Variants in NAALADL2 observed in about 807,000 individuals in gnomAD.
NAALADL2 encodes the protein N-acetylated alpha-linked acidic dipeptidase like 2, also known as inactive N-acetylated-alpha-linked acidic dipeptidase-like protein 2.
NAALADL2 carries 76 observed loss-of-function variants against 87.2 expected under a neutral mutation model. That is an observed-to-expected ratio of 0.87 (90% CI 0.72 to 1.05). The LOEUF is 1.05. Among genes scored for constraint, NAALADL2 ranks in the 50% least tolerant of loss-of-function variants. The probability of loss-of-function intolerance (pLI) is 0.00; values close to 1 mark genes in which losing one functional copy is unlikely to be tolerated. For missense variants in NAALADL2, 1,089 were observed against 945.8 expected, an observed-to-expected ratio of 1.15 and a Z score of -1.99; for synonymous variants, 354 against 331.0, an observed-to-expected ratio of 1.07 and a Z score of -0.75.
chr3:174,940,352 G>C (rs1279609698), intron 1 of NAALADL2, among the ~76,000 whole-genome samples: 2 of 152,106 alleles, frequency 1.3e-5, no homozygotes, highest in Non-Finnish European at 2.9e-5. Flanking sequence ...GCATCCCAGG[G>C]GTGAAGCCCA....
chr3:175,480,588 A>G (rs1051099752), intron 9 of NAALADL2, among the ~76,000 whole-genome samples: 4 of 151,910 alleles, frequency 2.6e-5, no homozygotes, highest in Non-Finnish European at 5.9e-5. Context: ...GAAATTTCAG[A>G]ATCTAAATGA....
rs144466430 is a variant in NAALADL2, at chr3:175,023,715, C to T, written c.44-73075C>T. ...CAATGAAATGCTTCATACTAGAATG[C>T]AAAATACTGAATGTGATTCAACAAG... On this transcript the variant is annotated intron_variant, in intron 1 of 13. Coordinates refer to ENST00000454872, the MANE Select transcript of NAALADL2 (RefSeq NM_207015.3). Among the ~76,000 whole-genome samples, 8 of 152,104 alleles carry T rather than the reference C, an allele frequency of 5.3e-5. No homozygotes were observed. In the East Asian group the frequency reaches 1.5e-3, roughly 29 times the overall value.
intron 1 of NAALADL2, among the ~76,000 whole-genome samples, chr3:174,950,278 G>A (rs1475879550): frequency 6.6e-6 from 1 of 151,828 alleles, no homozygotes; most frequent in African/African-American, 2.4e-5. Context: ...GTAGATTTTG[G>A]GAATCTGCAT....
intron 2 of NAALADL2, among the ~76,000 whole-genome samples, chr3:174,655,017 G>A (rs539206850): frequency 7.7e-4 from 118 of 152,272 alleles, no homozygotes; most frequent in African/African-American, 2.6e-3. Flanking sequence ...TTACAGGCGT[G>A]AGCTTACCGT....
intron 1 of NAALADL2, among the ~76,000 whole-genome samples, chr3:174,896,945 T>C (rs1338622475): frequency 1.3e-5 from 2 of 152,184 alleles, no homozygotes; most frequent in East Asian, 3.9e-4. Flanking sequence ...CTTCAATAAA[T>C]GGTGCTGAGA....
At chr3:175,329,944 A>G (rs1717769803) in intron 5 of NAALADL2, among the ~76,000 whole-genome samples, 1 of 152,228 alleles carries the variant, frequency 6.6e-6, no homozygotes, top group African/African-American at 2.4e-5. Flanking sequence ...GTCTAGGATT[A>G]TAGCCTACAG....
intron 3 of NAALADL2, among the ~76,000 whole-genome samples, chr3:174,753,804 A>T (rs956062300): frequency 6.6e-6 from 1 of 152,070 alleles, no homozygotes; most frequent in African/African-American, 2.4e-5. Context: ...CCCCAGTGTG[A>T]TTGCACTTGG....
At chr3:175,218,173 C>G in intron 2 of NAALADL2, 1 of 409,498 alleles carries the variant, frequency 2.4e-6, no homozygotes, top group South Asian at 1.9e-5. Flanking sequence ...GCACAATAAT[C>G]TTATTCAAGT....
At chr3:174,499,531 T>C (rs1718755926) in intron 1 of NAALADL2, among the ~76,000 whole-genome samples, 1 of 152,146 alleles carries the variant, frequency 6.6e-6, no homozygotes, top group South Asian at 2.1e-4. Context: ...GCTTTTCTTG[T>C]ATGTATTATT....
intron 1 of NAALADL2, among the ~76,000 whole-genome samples, chr3:174,489,080 T>C (rs1291620687): frequency 6.6e-6 from 1 of 152,110 alleles, no homozygotes; most frequent in Non-Finnish European, 1.5e-5. Context: ...GCCATTTCTC[T>C]ACCTCATTGC....
intron 1 of NAALADL2, among the ~76,000 whole-genome samples, chr3:174,502,556 T>G (rs1447599343): frequency 6.6e-6 from 1 of 152,206 alleles, no homozygotes; most frequent in Non-Finnish European, 1.5e-5. Flanking sequence ...TAATTTTTAT[T>G]AGTCAGTTAT....
chr3:175,526,809 G>C (rs1482544508), intron 9 of NAALADL2, among the ~76,000 whole-genome samples: 1 of 152,084 alleles, frequency 6.6e-6, no homozygotes, highest in Non-Finnish European at 1.5e-5. Flanking sequence ...GGGGAAAACC[G>C]AGAGCATTAC....
At chr3:174,548,214 T>C (rs1175823285) in intron 1 of NAALADL2, among the ~76,000 whole-genome samples, 1 of 152,170 alleles carries the variant, frequency 6.6e-6, no homozygotes, top group Non-Finnish European at 1.5e-5. Context: ...TAAATAAATT[T>C]TGGTGAAACT....
chr3:175,213,093 C>G (rs778619188), intron 2 of NAALADL2, among the ~76,000 whole-genome samples: 33 of 152,074 alleles, frequency 2.2e-4, no homozygotes, highest in Non-Finnish European at 4.7e-4. Flanking sequence ...AACATTAATG[C>G]TTTTGATTGT....
intron 4 of NAALADL2, among the ~76,000 whole-genome samples, chr3:175,291,915 C>A (rs1341228995): frequency 6.6e-6 from 1 of 152,108 alleles, no homozygotes; most frequent in Non-Finnish European, 1.5e-5. Flanking sequence ...AGAATATATA[C>A]TAATAATGGT....
intron 2 of NAALADL2, among the ~76,000 whole-genome samples, chr3:174,601,137 T>C (rs1718419538): frequency 6.6e-6 from 1 of 152,136 alleles, no homozygotes; most frequent in African/African-American, 2.4e-5. Context: ...CTGATTTTCT[T>C]TCTTTTGAGT....
chr3:175,568,384 G>A (rs903522459), intron 9 of NAALADL2, among the ~76,000 whole-genome samples: 3 of 152,102 alleles, frequency 2.0e-5, no homozygotes, highest in East Asian at 1.9e-4. Context: ...TAGATGCGTA[G>A]TTTGTTACAA....
chr3:175,248,497 CATCTT>C (rs1285655226), intron 3 of NAALADL2, among the ~76,000 whole-genome samples: 1 of 152,120 alleles, frequency 6.6e-6, no homozygotes, highest in Non-Finnish European at 1.5e-5. Flanking sequence ...AATTTCAACA[CATCTT>C]GTCTCACTTG....
intron 11 of NAALADL2, among the ~76,000 whole-genome samples, chr3:175,708,349 G>T (rs1356806768): frequency 6.6e-6 from 1 of 152,012 alleles, no homozygotes; most frequent in Non-Finnish European, 1.5e-5. Context: ...TGAGTCCAGG[G>T]AGGCCAGTTC....
Sources: gnomAD v4.1 joint callset for allele counts (sites outside exome capture counted in the v4.1 genomes callset) on GRCh38, gnomAD v4.1.1 for gene constraint, MANE v1.5 for transcripts, NCBI Gene and HGNC (gene_info 2026-07-23, HGNC 2026-07-21) for gene names.